Variants in ARL15 observed in about 807,000 individuals in gnomAD.
ARL15 encodes ARF like GTPase 15.
Under a neutral mutation model 25.2 loss-of-function variants are expected in ARL15, and 19 were observed. The ratio of observed to expected loss-of-function variants is 0.75; its 90% CI spans 0.53 to 1.10. The LOEUF is 1.10. ARL15 is among the 50% of genes least tolerant of loss of function. ARL15 has a pLI of 0.00. For synonymous variants in ARL15, 94 were observed against 86.8 expected, an observed-to-expected ratio of 1.08 and a Z score of -0.46; for missense variants, 220 against 246.0, an observed-to-expected ratio of 0.89 and a Z score of 0.71.
rs372177312 is a variant in ARL15, at chr5:54,021,385, G to C, written c.462+91817C>G. Among the ~76,000 whole-genome samples, 13 of 152,108 alleles carry C rather than the reference G, an allele frequency of 8.5e-5. No homozygotes were observed. The East Asian group carries it at 1.7e-3, about 20-fold the overall frequency. ...AGCTTTAATGAGCAATAATAAAGAA[G>C]CATAAAACAAAAGAAAAAATATAAA... On this transcript the variant is annotated intron_variant, in intron 4 of 4. Transcript: ENST00000504924.
intron 4 of ARL15, among the ~76,000 whole-genome samples, chr5:53,939,862 G>C (rs980663735): frequency 6.6e-6 from 1 of 151,736 alleles, no homozygotes; most frequent in Non-Finnish European, 1.5e-5. Flanking sequence ...ATTAAACACT[G>C]ATTCAAACAA....
intron 4 of ARL15, among the ~76,000 whole-genome samples, chr5:53,891,951 G>C (rs937141134): frequency 1.3e-5 from 2 of 152,230 alleles, no homozygotes; most frequent in Admixed American, 6.5e-5. Context: ...AACAACAGCA[G>C]TGGTCTGAGA....
chr5:54,076,142 C>T (rs1047198525), intron 4 of ARL15, among the ~76,000 whole-genome samples: 14 of 152,070 alleles, frequency 9.2e-5, no homozygotes, highest in African/African-American at 2.9e-4. Flanking sequence ...ATAGGCCAGG[C>T]GCGGTGGCTC....
intron 1 of ARL15, among the ~76,000 whole-genome samples, chr5:54,217,149 AACAAAATAT>A (rs1345974991): frequency 6.6e-6 from 1 of 152,032 alleles, no homozygotes; most frequent in Non-Finnish European, 1.5e-5. Context: ...TATTTTGTAA[AACAAAATAT>A]ATTTATCTTT....
intron 4 of ARL15, among the ~76,000 whole-genome samples, chr5:53,999,023 T>C (rs962481090): frequency 2.0e-5 from 3 of 152,112 alleles, no homozygotes; most frequent in African/African-American, 7.2e-5. Flanking sequence ...GAGTAACATT[T>C]GGATCTGGAG....
chr5:54,079,966 G>A lies in ARL15; in HGVS notation c.462+33236C>T, dbSNP rs71619993. Among the ~76,000 whole-genome samples the A allele has an allele frequency of 5.4e-3, 493 of 90,742 alleles. 1 individual carries two copies. The highest frequency in any genetic ancestry group is 0.012 in the East Asian group (31 of 2,672). The allele number at this position is 90,742 out of a possible 152,430, so 59.5% of individuals were successfully genotyped here. ...GCCTCGGTGACAAGAGTGAGACTCCGTCACACACACACACACACACACACA... is the reference window on the plus strand; with the variant it reads ...GCCTCGGTGACAAGAGTGAGACTCCATCACACACACACACACACACACACA... On this transcript the variant is annotated intron_variant, in intron 4 of 4. Coordinates refer to ENST00000504924, the MANE Select transcript of ARL15 (RefSeq NM_019087.3).
intron 4 of ARL15, among the ~76,000 whole-genome samples, chr5:53,988,321 GAAAAAAAA>G (rs756851983): frequency 9.4e-6 from 1 of 106,916 alleles, no homozygotes; most frequent in Admixed American, 9.4e-5. Flanking sequence ...AAGAAAAAAA[GAAAAAAAA>G]AAAAAGCTTT....
intron 4 of ARL15, among the ~76,000 whole-genome samples, chr5:53,977,426 T>C (rs1039116829): frequency 1.8e-4 from 28 of 152,154 alleles, no homozygotes; most frequent in Non-Finnish European, 3.8e-4. Context: ...AGTAGTCTTT[T>C]ACATAGTAAT....
chr5:54,182,638 T>C (rs1226563919), intron 1 of ARL15, among the ~76,000 whole-genome samples: 1 of 149,670 alleles, frequency 6.7e-6, no homozygotes, highest in Non-Finnish European at 1.5e-5. Flanking sequence ...GCGGGCTCTT[T>C]TTTGGTTCCA....
Position 53,938,682 on chromosome 5 carries a change from C to T in ARL15, c.463-51969G>A, listed in dbSNP as rs112329283. ...CTCTACTAAAAATATAAAAATTGGC[C>T]GGGTGTGGTGCCATGTGCCTCTAGG... On this transcript the variant is annotated intron_variant, in intron 4 of 4. Transcript: ENST00000504924. 2.4e-3 allele frequency among the ~76,000 whole-genome samples: 363 copies of T among 152,144 alleles called. 1 individual carries two copies. The highest frequency in any genetic ancestry group is 8.2e-3 in the African/African-American group (339 of 41,510).
intron 4 of ARL15, among the ~76,000 whole-genome samples, chr5:53,904,778 G>C (rs113232489): frequency 4.6e-4 from 67 of 146,620 alleles, no homozygotes; most frequent in Non-Finnish European, 6.5e-4. Context: ...ACCCAGGCTG[G>C]AGTGCAGTGG....
chr5:54,168,147 T>A lies in ARL15; in HGVS notation c.193+3637A>T, dbSNP rs775823856. 7.2e-5 allele frequency among the ~76,000 whole-genome samples: 11 copies of A among 152,232 alleles called. No homozygotes were observed. In the South Asian group the frequency reaches 1.4e-3, roughly 20 times the overall value. On this transcript the variant is annotated intron_variant, in intron 2 of 4. Transcript: ENST00000504924. ...AGTCCTTAAATCAGTGGCAGTCACA[T>A]AACAGACATTCAATGAATGTGGAAT...
At chr5:54,269,973 G>C (rs908963107) in intron 1 of ARL15, among the ~76,000 whole-genome samples, 2 of 152,196 alleles carry the variant, frequency 1.3e-5, no homozygotes, top group African/African-American at 4.8e-5. Context: ...ACTAGGATGA[G>C]ATACAGTTCA....
chr5:54,222,689 C>T (rs1026600290), intron 1 of ARL15, among the ~76,000 whole-genome samples: 5 of 152,160 alleles, frequency 3.3e-5, no homozygotes, highest in Admixed American at 3.3e-4. Flanking sequence ...TCTTGATCTT[C>T]CCAGGGTGGA....
intron 3 of ARL15, among the ~76,000 whole-genome samples, chr5:54,123,609 A>T (rs545578820): frequency 3.0e-4 from 45 of 152,304 alleles, no homozygotes; most frequent in African/African-American, 1.1e-3. Context: ...AAGGTGGATG[A>T]ATGAACCATT....
intron 4 of ARL15, among the ~76,000 whole-genome samples, chr5:53,896,153 C>T (rs1023293573): frequency 6.6e-6 from 1 of 152,104 alleles, no homozygotes; most frequent in African/African-American, 2.4e-5. Flanking sequence ...TGTGCCTCAG[C>T]CAACCGAGTA....
chr5:54,291,186 C>A (rs564725754), intron 1 of ARL15, among the ~76,000 whole-genome samples: 138 of 152,218 alleles, frequency 9.1e-4, no homozygotes, highest in African/African-American at 3.2e-3. Context: ...GGGTTTGAAC[C>A]ATTCAATAAG....
intron 4 of ARL15, among the ~76,000 whole-genome samples, chr5:53,945,167 C>T (rs1042372530): frequency 2.6e-5 from 4 of 152,148 alleles, no homozygotes; most frequent in African/African-American, 4.8e-5. Flanking sequence ...CTTATTCCTA[C>T]GATGATCCAT....
intron 1 of ARL15, among the ~76,000 whole-genome samples, chr5:54,222,518 A>G (rs1303315143): frequency 6.6e-6 from 1 of 152,246 alleles, no homozygotes; most frequent in African/African-American, 2.4e-5. Flanking sequence ...TAACACTGAC[A>G]CTGCTGGTCA....
Sources: allele counts gnomAD v4.1 joint callset (sites outside exome capture counted in the v4.1 genomes callset), GRCh38; gene constraint gnomAD v4.1.1; transcripts MANE v1.5; gene names NCBI Gene and HGNC (gene_info 2026-07-23, HGNC 2026-07-21).